ABI2: variants seen among roughly 807,000 people sequenced by gnomAD.
The protein encoded by ABI2 is abelson interactor 2.
ABI2 carries 25 observed loss-of-function variants against 59.2 expected under a neutral mutation model. The observed-to-expected ratio is 0.42, with a 90% CI of 0.31 to 0.59. ABI2 has a LOEUF of 0.59. Among genes scored for constraint, ABI2 ranks in the 20% least tolerant of loss-of-function variants. The pLI is 0.14. For synonymous variants in ABI2, 213 were observed against 235.5 expected (o/e 0.90, Z 0.87); for missense variants, 545 against 681.8 (o/e 0.80, Z 2.23).
intron 11 of ABI2, among the ~76,000 whole-genome samples, chr2:203,423,606 G>A (rs1414421147): frequency 6.6e-6 from 1 of 152,158 alleles, no homozygotes; most frequent in Non-Finnish European, 1.5e-5. Context: ...TGCATTTTTA[G>A]TAGAGGCGGG....
chr2:203,347,925 A>G (rs1200775531), intron 1 of ABI2, among the ~76,000 whole-genome samples: 2 of 152,202 alleles, frequency 1.3e-5, no homozygotes, highest in South Asian at 2.1e-4. Context: ...ATCATTAACC[A>G]GGTGATAATA....
chr2:203,328,572 T>C lies in ABI2; in HGVS notation c.58T>C (p.Phe20Leu). Residue 20 changes from phenylalanine to leucine, a missense_variant, in exon 1 of 12, where the codon TTC becomes CTC. By Grantham distance (22) the Phe-to-Leu change is conservative. Around this residue, in one of 4 missense-constraint regions of ABI2, gnomAD observed 55 missense variants for 59.7 expected, o/e 0.92. Coordinates refer to ENST00000261018, the MANE Select transcript of ABI2 (RefSeq NM_001375670.1). ...EEIPGGRRAL[F>L]DSYTNLERVA... ...AATCCCGGGGGGCCGCCGGGCCCTC[T>C]TCGACAGCTACACAAATCTGGAACG... 1 of 1,605,660 alleles carries C rather than the reference T, an allele frequency of 6.2e-7. No homozygotes were observed.
chr2:203,345,707 C>G (rs2082993885), intron 1 of ABI2, among the ~76,000 whole-genome samples: 1 of 151,778 alleles, frequency 6.6e-6, no homozygotes, highest in Non-Finnish European at 1.5e-5. Context: ...CCACGCCCAG[C>G]CCTAATTTTT....
chr2:203,399,769 CCT>C (rs2097147505), intron 8 of ABI2, among the ~76,000 whole-genome samples: 1 of 152,234 alleles, frequency 6.6e-6, no homozygotes. Flanking sequence ...CCCGCCTCAG[CCT>C]CCCAAAGTGC....
chr2:203,330,796 A>G (rs2072752579), intron 1 of ABI2, among the ~76,000 whole-genome samples: 1 of 152,240 alleles, frequency 6.6e-6, no homozygotes, highest in African/African-American at 2.4e-5. Context: ...TCTTATTGTA[A>G]TTTGAAGGTA....
chr2:203,407,266 A>G (rs1373016047), intron 9 of ABI2, among the ~76,000 whole-genome samples: 1 of 152,190 alleles, frequency 6.6e-6, no homozygotes, highest in East Asian at 1.9e-4. Flanking sequence ...GTTGGTATTC[A>G]TGTTTAGAAA....
intron 9 of ABI2, among the ~76,000 whole-genome samples, chr2:203,409,311 A>G (rs989254435): frequency 4.6e-5 from 7 of 152,190 alleles, no homozygotes; most frequent in South Asian, 2.1e-4. Context: ...TAAGAAAGGT[A>G]CCAATTTCTA....
chr2:203,384,774 C>T (rs914333163), intron 4 of ABI2, among the ~76,000 whole-genome samples: 2 of 151,562 alleles, frequency 1.3e-5, no homozygotes, highest in African/African-American at 4.8e-5. Flanking sequence ...GTAATAAAAA[C>T]TTCTGACTTT....
At chr2:203,397,072 A>T in intron 8 of ABI2, 105 bp downstream of exon 8, 5 of 1,190,500 alleles carry the variant, frequency 4.2e-6, no homozygotes, top group Admixed American at 4.3e-5. Flanking sequence ...ACTTCGTATT[A>T]AAAAAAAATA....
At position 203,429,258 on chromosome 2, in the gene ABI2, G is replaced by A. The variant is rs2098464016; in HGVS notation, c.*1906G>A. ...CCCTTATTCCTTGTTTTCCTGCAGT[G>A]TAATGGCCCTGAATGTCCTCTGAGC... On this transcript the variant is annotated 3_prime_UTR_variant, in exon 12 of 12. Transcript: ENST00000261018. 1 of 152,182 alleles carries A rather than the reference G, an allele frequency of 6.6e-6. No homozygotes were observed. The highest frequency in any genetic ancestry group is 1.5e-5 in the Non-Finnish European group (1 of 68,044). The allele number at this position is 152,182 out of a possible 1,614,324, so 9.4% of individuals were successfully genotyped here.
In ABI2 at chr2:203,407,553, C is replaced by G. The variant is rs117587214; in HGVS notation, c.1193-3732C>G. On this transcript the variant is annotated intron_variant, in intron 9 of 11. Transcript: ENST00000261018. ...ATGCTTCAGAGGACTTTATAAATAA[C>G]CAGGAAGGTTGTACTTGGAAAGTCT... Among the ~76,000 whole-genome samples the G allele has an allele frequency of 1.0e-3, 157 of 152,194 alleles. 1 individual carries two copies. In the East Asian group the frequency reaches 0.025, roughly 24 times the overall value.
At chr2:203,409,430 A>G (rs893563763) in intron 9 of ABI2, among the ~76,000 whole-genome samples, 5 of 152,172 alleles carry the variant, frequency 3.3e-5, no homozygotes, top group Admixed American at 6.5e-5. Context: ...TCAACTGTAG[A>G]TATTTTGCAT....
chr2:203,364,091 C>CTTTTTTTTT (rs75432257), intron 1 of ABI2, among the ~76,000 whole-genome samples: 10 of 140,484 alleles, frequency 7.1e-5, no homozygotes, highest in African/African-American at 2.6e-4. Context: ...GTCCATTCAT[C>CTTTTTTTTT]TTTTTTTTTT....
In ABI2 at chr2:203,430,526, AAAATAGTGCC is replaced by A. The variant is rs2098474903; in HGVS notation, c.*3177_*3186del. The A allele has an allele frequency of 6.6e-6, 1 of 152,240 alleles. No individual in the cohort carries two copies. Among genetic ancestry groups the A allele is most frequent in the Admixed American group, 6.5e-5 (1 of 15,284 alleles). The allele number at this position is 152,240 out of a possible 1,614,324, so 9.4% of individuals were successfully genotyped here. A position where few individuals can be genotyped will look rare whatever the true frequency, so the allele number is the denominator to read the frequency against. On this transcript the variant is annotated 3_prime_UTR_variant, in exon 12 of 12. Transcript: ENST00000261018. Reference sequence around the variant, plus strand: ...CGGCCAAGGCAATAAATCAGAAACAAAAATAGTGCCAATGTGTCAAAATCGACATCTGAGA... The same window carrying A: ...CGGCCAAGGCAATAAATCAGAAACAAAATGTGTCAAAATCGACATCTGAGA...
chr2:203,338,957 TA>T (rs2078025349), intron 1 of ABI2, among the ~76,000 whole-genome samples: 1 of 8,906 alleles, frequency 1.1e-4, no homozygotes, highest in East Asian at 0.012. Flanking sequence ...TATATATATA[TA>T]TATAAATATA....
At chr2:203,375,851 TTTAGTGCTCTCTGTCAAA>T (rs1208015628) in intron 2 of ABI2, 1 of 381,860 alleles carries the variant, frequency 2.6e-6, no homozygotes, top group Non-Finnish European at 4.7e-6. Flanking sequence ...ATGAAATAGA[TTTAGTGCTCTCTGTCAAA>T]TTATTCAAAC....
At chr2:203,374,474 G>A (rs2153113758) in intron 2 of ABI2, among the ~76,000 whole-genome samples, 1 of 149,186 alleles carries the variant, frequency 6.7e-6, no homozygotes, top group East Asian at 2.0e-4. Flanking sequence ...ATTCCAGCCT[G>A]GGTGGCAAAG....
chr2:203,393,350 C>T (rs527807890), intron 5 of ABI2, among the ~76,000 whole-genome samples: 2 of 152,302 alleles, frequency 1.3e-5, no homozygotes, highest in African/African-American at 4.8e-5. Flanking sequence ...CCACTGCACC[C>T]GGCTGCAACA....
chr2:203,383,574 C>G lies in ABI2; in HGVS notation c.480+1368C>G, dbSNP rs1008708051. Among the ~76,000 whole-genome samples the G allele has an allele frequency of 2.6e-5, 4 of 152,296 alleles. No homozygotes were observed. The South Asian group carries it at 8.3e-4, about 32-fold the overall frequency. On this transcript the variant is annotated intron_variant, in intron 4 of 11. Transcript: ENST00000261018. ...AGCTTGCCCAAGCTACTATCTCATGCTTGTTTTCTCTAAGCCCCAGTATGA... is the reference window on the plus strand; with the variant it reads ...AGCTTGCCCAAGCTACTATCTCATGGTTGTTTTCTCTAAGCCCCAGTATGA...
Sources: allele counts gnomAD v4.1 joint callset (sites outside exome capture counted in the v4.1 genomes callset), GRCh38; gene constraint gnomAD v4.1.1; regional missense constraint gnomAD v4.1.1; transcripts MANE v1.5; gene names NCBI Gene and HGNC (gene_info 2026-07-23, HGNC 2026-07-21).